NOS1: variants seen among roughly 807,000 people sequenced by gnomAD.
The protein encoded by NOS1 is nitric oxide synthase 1, also known as NOS type I.
NOS1 carries 51 observed loss-of-function variants against 164.5 expected under a neutral mutation model. The observed-to-expected ratio is 0.31, with a 90% confidence interval of 0.25 to 0.39. The LOEUF (loss-of-function observed/expected upper bound fraction) is 0.39. Ranked by LOEUF, NOS1 falls within the 10% of genes least tolerant of loss-of-function variation. NOS1 has a pLI of 1.00. For synonymous variants in NOS1, 719 were observed against 745.8 expected, an observed-to-expected ratio of 0.96 and a Z score of 0.59; for missense variants, 1,362 against 1,885.6, an observed-to-expected ratio of 0.72 and a Z score of 5.14.
chr12:117,307,994 A>AAATAATAATAAT (rs71444617), intron 3 of NOS1, among the ~76,000 whole-genome samples: 13,388 of 149,726 alleles, frequency 0.089, 808 homozygotes, highest in East Asian at 0.2. Flanking sequence ...GTCTCACAAT[A>AAATAATAATAAT]AATAATAATA....
chr12:117,233,077 C>T (rs888289369), intron 21 of NOS1, among the ~76,000 whole-genome samples: 16 of 116,048 alleles, frequency 1.4e-4, no homozygotes, highest in African/African-American at 5.3e-4. Context: ...TTCGCTTTTG[C>T]TGCCCAGGCT....
chr12:117,257,839 T>C (rs1484922416), intron 16 of NOS1, among the ~76,000 whole-genome samples: 1 of 150,078 alleles, frequency 6.7e-6, no homozygotes, highest in Non-Finnish European at 1.5e-5. Context: ...AGTTTTGCTC[T>C]TGTTGCCCAG....
chr12:117,270,682 C>T (rs571198108), intron 10 of NOS1, among the ~76,000 whole-genome samples: 4 of 152,112 alleles, frequency 2.6e-5, no homozygotes, highest in South Asian at 4.2e-4. Context: ...GCAACTTGAG[C>T]CACATCTAAG....
At chr12:117,321,452 T>C (rs2136064634) in intron 2 of NOS1, among the ~76,000 whole-genome samples, 1 of 152,286 alleles carries the variant, frequency 6.6e-6, no homozygotes, top group Middle Eastern at 3.4e-3. Context: ...AGAAGCCCCC[T>C]GGTTACCCAT....
intron 7 of NOS1, among the ~76,000 whole-genome samples, chr12:117,283,054 ATATTTTT>A (rs1289952248): frequency 2.0e-5 from 2 of 101,130 alleles, no homozygotes; most frequent in African/African-American, 8.1e-5. Context: ...ATATATATAT[ATATTTTT>A]TTTTTTTTTT....
In NOS1 at chr12:117,215,158, C is replaced by CACTGAGGG; in HGVS notation, c.*143_*150dup. The stretch of plus-strand genomic sequence containing the variant: ...GTAAACCCAGGAGGGCCGAGGAAAC[C>CACTGAGGG]ACTGAGGGGCGAGAAGCCCGAGGAG... On this transcript the variant is annotated 3_prime_UTR_variant, in exon 29 of 29. Coordinates refer to ENST00000317775, the MANE Select transcript of NOS1 (RefSeq NM_000620.5). 1 of 1,326,460 alleles carries CACTGAGGG rather than the reference C, an allele frequency of 7.5e-7. No individual in the cohort carries two copies. The highest frequency in any genetic ancestry group is 2.9e-5 in the South Asian group (1 of 34,578). The allele number at this position is 1,326,460 out of a possible 1,614,324, so 82.2% of individuals were successfully genotyped here.
At chr12:117,296,034 T>A (rs979608573) in intron 3 of NOS1, among the ~76,000 whole-genome samples, 10 of 152,136 alleles carry the variant, frequency 6.6e-5, no homozygotes, top group Non-Finnish European at 1.5e-4. Flanking sequence ...GTGGTCATCA[T>A]GAGCATATAT....
At chr12:117,249,982 G>C (rs1333256925) in intron 17 of NOS1, among the ~76,000 whole-genome samples, 2 of 152,164 alleles carry the variant, frequency 1.3e-5, no homozygotes, top group South Asian at 2.1e-4. Flanking sequence ...TGTCACCTCA[G>C]ATAAACCATG....
intron 2 of NOS1, among the ~76,000 whole-genome samples, chr12:117,311,904 C>T (rs1874452770): frequency 6.6e-6 from 1 of 152,176 alleles, no homozygotes; most frequent in Non-Finnish European, 1.5e-5. Flanking sequence ...CTCCCTTCTT[C>T]ATTCCATGGA....
In NOS1 at chr12:117,242,658, T is replaced by C. The variant is rs780212078; in HGVS notation, c.3010A>G (p.Ser1004Gly). The change falls in exon 20 of 29, where the codon AGC becomes GGC. Residue 1004 changes from serine to glycine, a missense_variant. Transcript: ENST00000317775. ...TTAGGGCTCTGGAGGTTTTGACGGC[T>C]AAGGAGCCGGGCAGCTGAGACTCGC... ...KKRVSAARLL[S>G]RQNLQSPKSS... is the part of the protein sequence containing the mutation. 35 of 1,614,166 alleles carry C rather than the reference T, an allele frequency of 2.2e-5. No individual in the cohort carries two copies. In the East Asian group the frequency reaches 7.6e-4, roughly 35 times the overall value.
intron 1 of NOS1, among the ~76,000 whole-genome samples, chr12:117,335,948 C>A (rs988192985): frequency 3.3e-5 from 5 of 152,090 alleles, no homozygotes; most frequent in Non-Finnish European, 5.9e-5. Context: ...CTCAAGTGAC[C>A]CTCCTGCCTC....
intron 3 of NOS1, among the ~76,000 whole-genome samples, chr12:117,293,484 CCTGA>C (rs1031878216): frequency 2.6e-5 from 4 of 152,084 alleles, no homozygotes; most frequent in African/African-American, 7.2e-5. Context: ...TGGCCAGCAC[CCTGA>C]CTAAGTCATC....
At chr12:117,225,212 C>T (rs1868558244) in intron 24 of NOS1, 75 bp from the exon 25 acceptor site, 1 of 1,534,376 alleles carries the variant, frequency 6.5e-7, no homozygotes, top group Non-Finnish European at 8.8e-7. Flanking sequence ...TTAGGTAGAC[C>T]AGGTGGCCAT....
chr12:117,257,239 A>G, intron 16 of NOS1, among the ~76,000 whole-genome samples: 1 of 151,784 alleles, frequency 6.6e-6, no homozygotes, highest in East Asian at 1.9e-4. Flanking sequence ...GCACACTACC[A>G]TGCCCAGCTA....
At position 117,209,181 on chromosome 12, in the gene NOS1, C is replaced by T; in HGVS notation, c.*6128G>A. Reference sequence around the variant, plus strand: ...CTATAATGAGAAGTCCTGGGGTAGCCAGCAGAGATTCTCTTGACCCTGAAG... The same window carrying T: ...CTATAATGAGAAGTCCTGGGGTAGCTAGCAGAGATTCTCTTGACCCTGAAG... On this transcript the variant is annotated 3_prime_UTR_variant, in exon 29 of 29. Coordinates refer to ENST00000317775, the MANE Select transcript of NOS1 (RefSeq NM_000620.5). 6.1e-6 allele frequency: 6 copies of T among 985,382 alleles called. No individual in the cohort carries two copies. The highest frequency in any genetic ancestry group is 7.2e-6 in the Non-Finnish European group (6 of 829,938). The allele number at this position is 985,382 out of a possible 1,614,324, so 61.0% of individuals were successfully genotyped here.
At chr12:117,324,904 G>A (rs1173426091) in intron 2 of NOS1, among the ~76,000 whole-genome samples, 1 of 152,164 alleles carries the variant, frequency 6.6e-6, no homozygotes, top group Non-Finnish European at 1.5e-5. Flanking sequence ...CCACGTAAGT[G>A]CCACCATCCT....
At chr12:117,220,751 C>T (rs1956690057) in intron 26 of NOS1, among the ~76,000 whole-genome samples, 1 of 152,106 alleles carries the variant, frequency 6.6e-6, no homozygotes, top group Non-Finnish European at 1.5e-5. Flanking sequence ...CAGCTTCCAC[C>T]TCTGCAAAGC....
At chr12:117,259,758 C>T (rs59365338) in intron 14 of NOS1, among the ~76,000 whole-genome samples, 69 of 152,312 alleles carry the variant, frequency 4.5e-4, no homozygotes, top group African/African-American at 1.5e-3. Context: ...TCTATCCTCG[C>T]CTCTTTTGGA....
In NOS1 at chr12:117,211,698, C is replaced by T. The variant is rs1566019135; in HGVS notation, c.*3611G>A. ...GACAACTCTTACCTTCCAGAAGCTACCAGTGAAATCCCGCCCATTTCTCAA... is the reference window on the plus strand; with the variant it reads ...GACAACTCTTACCTTCCAGAAGCTATCAGTGAAATCCCGCCCATTTCTCAA... On this transcript the variant is annotated 3_prime_UTR_variant, in exon 29 of 29. Transcript: ENST00000317775. 1.0e-6 allele frequency: 1 copy of T among 985,510 alleles called. No individual in the cohort carries two copies. The highest frequency in any genetic ancestry group is 1.2e-6 in the Non-Finnish European group (1 of 830,036). 61.0% of individuals were successfully genotyped at this position (985,510 alleles called of 1,614,324 possible). A position where few individuals can be genotyped will look rare whatever the true frequency, so the allele number is the denominator to read the frequency against.
Sources: gnomAD v4.1 joint callset for allele counts (sites outside exome capture counted in the v4.1 genomes callset) on GRCh38, gnomAD v4.1.1 for gene constraint, MANE v1.5 for transcripts, NCBI Gene and HGNC (gene_info 2026-07-23, HGNC 2026-07-21) for gene names.